The following CD5 variants were observed in gnomAD, a reference collection of about 807,000 sequenced individuals.
CD5 encodes CD5 molecule.
Under a neutral mutation model 60.3 loss-of-function variants are expected in CD5, and 36 were observed. The ratio of observed to expected loss-of-function variants is 0.60; its 90% CI spans 0.46 to 0.79. CD5 has a LOEUF of 0.79. CD5 is among the 30% of genes least tolerant of loss of function. CD5 has a pLI of 0.00. For missense variants in CD5, 540 were observed against 630.6 expected, an observed-to-expected ratio of 0.86 and a Z score of 1.54; for synonymous variants, 230 against 257.6, an observed-to-expected ratio of 0.89 and a Z score of 1.03.
upstream of CD5, among the ~76,000 whole-genome samples, chr11:61,101,698 T>A: frequency 1.5e-5 from 2 of 132,520 alleles, no homozygotes; most frequent in African/African-American, 6.0e-5. Flanking sequence ...ATCACACACA[T>A]CAACATGGAG....
upstream of CD5, among the ~76,000 whole-genome samples, chr11:61,102,067 G>A (rs1053653345): frequency 6.6e-6 from 1 of 152,244 alleles, no homozygotes; most frequent in African/African-American, 2.4e-5. Flanking sequence ...GGGGAATGGA[G>A]GGTTTGGTTT....
upstream of CD5, among the ~76,000 whole-genome samples, chr11:61,099,407 A>G (rs113122152): frequency 0.016 from 481 of 29,686 alleles, 23 homozygotes; most frequent in East Asian, 0.33. Flanking sequence ...TCAACATGGA[A>G]ATCACACACA....
rs541890602 is a variant in CD5, at chr11:61,118,588, G to A, written c.400+108G>A. 15 of 1,163,762 alleles carry A rather than the reference G, an allele frequency of 1.3e-5. No individual in the cohort carries two copies. The Admixed American group carries it at 1.8e-4, about 14-fold the overall frequency. 72.1% of individuals were successfully genotyped at this position (1,163,762 alleles called of 1,614,324 possible). The stretch of plus-strand genomic sequence containing the variant: ...CTGAGCAGGCTGGTGGAAGGGGTGG[G>A]GGGACCCCAGTTTATAACCACTCCC... On this transcript the variant is annotated intron_variant, in intron 3 of 10. Transcript: ENST00000347785. This position sits in a 1 kb window ranked among gnomAD's most constrained non-coding sequence, Gnocchi z 4.7.
rs1044763986 is a variant in CD5 at position 61,121,554 on chromosome 11, A to G, written c.806-57A>G. On this transcript the variant is annotated intron_variant, in intron 5 of 10. Transcript: ENST00000347785. ...CCAGTGGCATGGGGCCCCAGGAAGC[A>G]GCACACAGGCTCAGGTTCACACTTG... 2.9e-6 allele frequency: 4 copies of G among 1,366,900 alleles called. No homozygotes were observed. In the African/African-American group the frequency reaches 5.9e-5, roughly 20 times the overall value. The allele number at this position is 1,366,900 out of a possible 1,614,324, so 84.7% of individuals were successfully genotyped here.
chr11:61,094,394 G>A, the CD5 span, among the ~76,000 whole-genome samples: 2 of 152,078 alleles, frequency 1.3e-5, no homozygotes, highest in Non-Finnish European at 2.9e-5. Flanking sequence ...GCCTTTATCA[G>A]CACTTTGGTT....
At position 61,123,944 on chromosome 11, in the gene CD5, G is replaced by A. The variant is rs1202691272; in HGVS notation, c.1279+7G>A. On this transcript the variant is annotated splice_region_variant and intron_variant, in intron 8 of 10. Transcript: ENST00000347785. Reference sequence around the variant, plus strand: ...ACGGGAATGAACCAAAACAGTAAGTGTCCCCGGAGGCAGGAGCCTCCCTCA... The same window carrying A: ...ACGGGAATGAACCAAAACAGTAAGTATCCCCGGAGGCAGGAGCCTCCCTCA... 1 of 1,612,156 alleles carries A rather than the reference G, an allele frequency of 6.2e-7. No individual in the cohort carries two copies. Among genetic ancestry groups the A allele is most frequent in the Non-Finnish European group, 8.5e-7 (1 of 1,178,514 alleles).
At chr11:61,124,639 GCT>G (rs1179121890) in intron 8 of CD5, among the ~76,000 whole-genome samples, 2 of 151,946 alleles carry the variant, frequency 1.3e-5, no homozygotes, top group African/African-American at 4.8e-5. Context: ...CTTCAAGAGG[GCT>G]CTGTTGAATT....
the CD5 span, among the ~76,000 whole-genome samples, chr11:61,096,587 T>C: frequency 6.6e-6 from 1 of 152,222 alleles, no homozygotes; most frequent in South Asian, 2.1e-4. Flanking sequence ...TGCCTGACTG[T>C]CCCTTGCCCT....
chr11:61,098,987 A>G (rs1229491320), upstream of CD5, among the ~76,000 whole-genome samples: 1 of 152,186 alleles, frequency 6.6e-6, no homozygotes, highest in Non-Finnish European at 1.5e-5. Flanking sequence ...GAGTACAGGA[A>G]GCCCAAGGAG....
upstream of CD5, among the ~76,000 whole-genome samples, chr11:61,098,730 CAG>C (rs1463898284): frequency 6.6e-6 from 1 of 152,244 alleles, no homozygotes; most frequent in East Asian, 1.9e-4. Flanking sequence ...ATTGCTCACT[CAG>C]AGAGCTCAGC....
rs570217802 is a variant in CD5, at chr11:61,112,854, G to A, written c.56-2202G>A. On this transcript the variant is annotated intron_variant, in intron 1 of 10. Coordinates refer to ENST00000347785, the MANE Select transcript of CD5 (RefSeq NM_014207.4). ...ACTTCATTACAAAGAGTCTTGATTC[G>A]GGGACAAGGATGAACTGTGGAGCAC... is the stretch of plus-strand genomic sequence containing the variant. Among the ~76,000 whole-genome samples, 11 of 152,290 alleles carry A rather than the reference G, an allele frequency of 7.2e-5. No individual in the cohort carries two copies. The South Asian group carries it at 1.0e-3, about 14-fold the overall frequency.
Position 61,127,375 on chromosome 11 carries a change from G to GACACATCCTAAC in CD5, c.*1093_*1094insCATCCTAACACA, listed in dbSNP as rs1861164200. 6.6e-6 allele frequency: 1 copy of GACACATCCTAAC among 152,192 alleles called. No individual in the cohort carries two copies. The highest frequency in any genetic ancestry group is 2.4e-5 in the African/African-American group (1 of 41,418). 9.4% of individuals were successfully genotyped at this position (152,192 alleles called of 1,614,324 possible). On this transcript the variant is annotated 3_prime_UTR_variant, in exon 11 of 11. Coordinates refer to ENST00000347785, the MANE Select transcript of CD5 (RefSeq NM_014207.4). Reference sequence around the variant, plus strand: ...GAAGCAACATGGGAACACATCCTAAGACAGGTCCTTTCTCCACGCCATTTG... The same window carrying GACACATCCTAAC: ...GAAGCAACATGGGAACACATCCTAAGACACATCCTAACACAGGTCCTTTCTCCACGCCATTTG...
At chr11:61,114,617 G>T (rs1860910408) in intron 1 of CD5, among the ~76,000 whole-genome samples, 2 of 152,106 alleles carry the variant, frequency 1.3e-5, no homozygotes, top group South Asian at 4.2e-4. Context: ...CTCCAGCCTG[G>T]GTGAGGAGAG....
In CD5 at chr11:61,122,924, G is replaced by A. The variant is rs774765989; in HGVS notation, c.1117G>A (p.Ala373Thr). The change falls in exon 7 of 11, where the codon GCA (alanine) becomes ACA (threonine). Residue 373 changes from alanine (A) to threonine (T), a missense_variant. Coordinates refer to ENST00000347785, the MANE Select transcript of CD5 (RefSeq NM_014207.4). ...VFVTCQDPNP[A>T]GLAAGTVASI... Reference sequence around the variant, plus strand: ...TTCCCCAGGCCAGGATCCAAACCCCGCAGGCCTGGCCGCAGGCACGGTGGC... The same window carrying A: ...TTCCCCAGGCCAGGATCCAAACCCCACAGGCCTGGCCGCAGGCACGGTGGC... The A allele has an allele frequency of 6.2e-6, 10 of 1,613,586 alleles. No homozygotes were observed. In the East Asian group the frequency reaches 6.7e-5, roughly 11 times the overall value.
upstream of CD5, among the ~76,000 whole-genome samples, chr11:61,098,901 G>A (rs571109536): frequency 9.9e-5 from 15 of 152,260 alleles, no homozygotes; most frequent in Admixed American, 2.6e-4. Context: ...CCAGGGATGG[G>A]GAGGCCCCAG....
intron 2 of CD5, among the ~76,000 whole-genome samples, chr11:61,115,846 G>A (rs1860931708): frequency 6.6e-6 from 1 of 152,218 alleles, no homozygotes; most frequent in African/African-American, 2.4e-5. Flanking sequence ...CACGATCTGG[G>A]CCCTGCACTG....
intron 5 of CD5, 147 bp downstream of exon 5, chr11:61,119,722 A>T: frequency 3.2e-6 from 2 of 633,482 alleles, no homozygotes; most frequent in South Asian, 4.0e-5. Context: ...GGCCTCTAAG[A>T]GGTAACAAGG....
At chr11:61,120,394 T>C (rs1861040264) in intron 5 of CD5, among the ~76,000 whole-genome samples, 1 of 152,134 alleles carries the variant, frequency 6.6e-6, no homozygotes, top group African/African-American at 2.4e-5. Context: ...ATTTTTCACA[T>C]GGCCTTAGGA....
chr11:61,110,968 A>T (rs915737775), intron 1 of CD5, among the ~76,000 whole-genome samples: 1 of 152,316 alleles, frequency 6.6e-6, no homozygotes, highest in Admixed American at 6.5e-5. Context: ...GGGACCAGAC[A>T]GGCACCCAGA....
Sources: gnomAD v4.1 joint callset for allele counts (sites outside exome capture counted in the v4.1 genomes callset) on GRCh38, gnomAD v4.1.1 for gene constraint, Gnocchi (gnomAD v3.1) non-coding constraint, MANE v1.5 for transcripts, NCBI Gene and HGNC (gene_info 2026-07-23, HGNC 2026-07-21) for gene names.